CFAP54: variants seen among roughly 807,000 people sequenced by gnomAD.
CFAP54 encodes the protein cilia- and flagella-associated protein 54.
In CFAP54, 290 loss-of-function variants were observed where a neutral mutation model predicts 370.4. The ratio of observed to expected loss-of-function variants is 0.78; its 90% CI spans 0.71 to 0.86. The LOEUF (loss-of-function observed/expected upper bound fraction) is 0.86, where lower values mean the gene tolerates loss of function less well. Among genes scored for constraint, CFAP54 ranks in the 40% least tolerant of loss-of-function variants. The pLI, the probability that CFAP54 is intolerant of heterozygous loss-of-function variation, is 0.00. For missense variants in CFAP54, 3,399 were observed against 3,528.7 expected, an observed-to-expected ratio of 0.96 and a Z score of 0.93; for synonymous variants, 1,206 against 1,236.5, an observed-to-expected ratio of 0.98 and a Z score of 0.52.
At chr12:96,837,013 G>A (rs1245776682) in intron 66 of CFAP54, among the ~76,000 whole-genome samples, 1 of 151,990 alleles carries the variant, frequency 6.6e-6, no homozygotes, top group South Asian at 2.1e-4. Flanking sequence ...ATAGCAATGA[G>A]GTCCCATCGT....
At chr12:96,505,977 G>C (rs1955095465) in intron 3 of CFAP54, among the ~76,000 whole-genome samples, 1 of 152,106 alleles carries the variant, frequency 6.6e-6, no homozygotes, top group South Asian at 2.1e-4. Context: ...TGAGTGAATT[G>C]TGTAAATGGT....
At chr12:96,637,283 A>G (rs1452770591) in intron 32 of CFAP54, among the ~76,000 whole-genome samples, 2 of 152,130 alleles carry the variant, frequency 1.3e-5, no homozygotes, top group African/African-American at 4.8e-5. Context: ...CATTTTGTCT[A>G]TCCATTCATC....
At chr12:96,508,126 C>CTTTTTTT (rs398020728) in intron 4 of CFAP54, among the ~76,000 whole-genome samples, 15 of 112,204 alleles carry the variant, frequency 1.3e-4, no homozygotes, top group Non-Finnish European at 1.9e-4. Flanking sequence ...CAAACATAGT[C>CTTTTTTT]TTTTTTTTTT....
chr12:96,743,520 A>G lies in CFAP54; in HGVS notation c.7338A>G (p.Gln2446=), dbSNP rs1330448654. ...FLTQAVILGL[Q]EKHLKADIMT... ...CGCAAGCTGTAATTCTTGGCCTACA[A>G]GAAAAGCATTTAAAGGCAGACATCA... The change falls in exon 53 of 68, where the codon CAA becomes CAG. Residue 2446 remains glutamine, a synonymous_variant. Coordinates refer to ENST00000524981, the MANE Select transcript of CFAP54 (RefSeq NM_001306084.2). 2.5e-6 allele frequency: 4 copies of G among 1,614,110 alleles called. No homozygotes were observed. In the Admixed American group the frequency reaches 6.7e-5, roughly 27 times the overall value.
At chr12:96,835,427 G>C (rs1287683860) in intron 66 of CFAP54, among the ~76,000 whole-genome samples, 2 of 152,084 alleles carry the variant, frequency 1.3e-5, no homozygotes, top group African/African-American at 4.8e-5. Context: ...TCCCCACTCT[G>C]GTCAATGGTA....
chr12:96,657,444 C>T (rs1420827227), intron 36 of CFAP54, among the ~76,000 whole-genome samples: 2 of 152,108 alleles, frequency 1.3e-5, no homozygotes, highest in Non-Finnish European at 2.9e-5. Flanking sequence ...AAAATCTTAC[C>T]ATAATTTATT....
chr12:96,563,785 AC>A (rs1336039877), intron 17 of CFAP54, among the ~76,000 whole-genome samples: 2 of 152,212 alleles, frequency 1.3e-5, no homozygotes, highest in Admixed American at 1.3e-4. Flanking sequence ...CCAAAATACT[AC>A]CAGGTCTCTT....
Position 96,519,180 on chromosome 12 carries a change from C to T in CFAP54, c.942+109C>T, listed in dbSNP as rs1955275267. 10 of 1,068,548 alleles carry T rather than the reference C, an allele frequency of 9.4e-6. No individual in the cohort carries two copies. The South Asian group carries it at 9.8e-5, about 10-fold the overall frequency. 66.2% of individuals were successfully genotyped at this position (1,068,548 alleles called of 1,614,324 possible). On this transcript the variant is annotated intron_variant, in intron 6 of 67. Transcript: ENST00000524981. ...GTGATGTGATCTCGGCTCACTGCAA[C>T]GTCCACCTCCCAGGTTCAAGCGATT... is the stretch of plus-strand genomic sequence containing the variant.
Position 96,580,089 on chromosome 12 carries a change from G to A in CFAP54, c.2797-508G>A, listed in dbSNP as rs116675639. On this transcript the variant is annotated intron_variant, in intron 20 of 67. Coordinates refer to ENST00000524981, the MANE Select transcript of CFAP54 (RefSeq NM_001306084.2). ...ATTTTATTTAAAATAATATATTTTA[G>A]TATCTTGCTTCTCTTTCCACTTGCT... is the stretch of plus-strand genomic sequence containing the variant. 3.1e-3 allele frequency among the ~76,000 whole-genome samples: 471 copies of A among 151,390 alleles called. 2 individuals carry two copies. Among genetic ancestry groups the A allele is most frequent in the African/African-American group, 0.011 (455 of 41,338 alleles).
intron 66 of CFAP54, among the ~76,000 whole-genome samples, chr12:96,851,918 G>GGAAA (rs1369548200): frequency 6.6e-6 from 1 of 151,774 alleles, no homozygotes; most frequent in Non-Finnish European, 1.5e-5. Context: ...TGTAAGTATG[G>GGAAA]GAAAGAAAGA....
At chr12:96,578,959 T>TA (rs1956006587) in intron 20 of CFAP54, among the ~76,000 whole-genome samples, 1 of 152,224 alleles carries the variant, frequency 6.6e-6, no homozygotes, top group South Asian at 2.1e-4. Flanking sequence ...CATAAACTGA[T>TA]ATGTCTTCAT....
At chr12:96,716,482 T>C (rs1276470310) in intron 48 of CFAP54, among the ~76,000 whole-genome samples, 4 of 152,248 alleles carry the variant, frequency 2.6e-5, no homozygotes, top group African/African-American at 9.6e-5. Context: ...TCATGCTTGC[T>C]CCTAGCAGTT....
chr12:96,540,714 G>C, intron 13 of CFAP54, 123 bp from the exon 14 acceptor site: 1 of 520,482 alleles, frequency 1.9e-6, no homozygotes, highest in Non-Finnish European at 3.1e-6. Context: ...AGGGGTACCT[G>C]TGTAACATTT....
At chr12:96,730,472 G>T (rs1216188680) in intron 50 of CFAP54, among the ~76,000 whole-genome samples, 1 of 152,024 alleles carries the variant, frequency 6.6e-6, no homozygotes, top group African/African-American at 2.4e-5. Flanking sequence ...GGATAGAAGA[G>T]AATCTACAAA....
At chr12:96,679,825 C>T in intron 40 of CFAP54, 73 bp downstream of exon 40, 1 of 1,452,354 alleles carries the variant, frequency 6.9e-7, no homozygotes, top group Non-Finnish European at 9.4e-7. Context: ...CCCTCTTCTG[C>T]CCTCTCATTC....
chr12:96,774,092 G>T (rs1958490940), intron 60 of CFAP54, among the ~76,000 whole-genome samples: 1 of 152,066 alleles, frequency 6.6e-6, no homozygotes, highest in African/African-American at 2.4e-5. Context: ...CACATATCTT[G>T]TGAGGACTAA....
At chr12:96,607,319 A>C (rs1205569846) in intron 26 of CFAP54, among the ~76,000 whole-genome samples, 1 of 152,122 alleles carries the variant, frequency 6.6e-6, no homozygotes, top group Non-Finnish European at 1.5e-5. Flanking sequence ...TTGGAAAAAG[A>C]CTAGAGAAGA....
At position 96,668,774 on chromosome 12, in the gene CFAP54, C is replaced by T. The variant is rs142195606; in HGVS notation, c.5563+4842C>T. Among the ~76,000 whole-genome samples, 52 of 152,316 alleles carry T rather than the reference C, an allele frequency of 3.4e-4. No homozygotes were observed. In the East Asian group the frequency reaches 0.01, roughly 29 times the overall value. ...TTGCATTTTTCATGTGTCTCTGTTT[C>T]TGGTATCAAAAAGCCATGTAAGTCT... On this transcript the variant is annotated intron_variant, in intron 39 of 67. Coordinates refer to ENST00000524981, the MANE Select transcript of CFAP54 (RefSeq NM_001306084.2).
intron 63 of CFAP54, among the ~76,000 whole-genome samples, chr12:96,806,195 TATATATATATATATATATAA>T (rs1958877728): frequency 1.3e-5 from 1 of 77,352 alleles, no homozygotes; most frequent in African/African-American, 5.0e-5. Flanking sequence ...TATATATATA[TATATATATATATATATATAA>T]TAACAACATA....
Sources: allele counts gnomAD v4.1 joint callset (sites outside exome capture counted in the v4.1 genomes callset), GRCh38; gene constraint gnomAD v4.1.1; transcripts MANE v1.5; gene names NCBI Gene and HGNC (gene_info 2026-07-23, HGNC 2026-07-21).